Variants in DIAPH3 observed in about 807,000 individuals in gnomAD.
DIAPH3 encodes diaphanous related formin 3.
DIAPH3 carries 117 observed loss-of-function variants against 144.3 expected under a neutral mutation model. That is an observed-to-expected ratio of 0.81 (90% CI 0.70 to 0.95). The LOEUF is 0.95. Ranked by LOEUF, DIAPH3 falls within the 40% of genes least tolerant of loss-of-function variation. DIAPH3 has a pLI of 0.00. For missense variants in DIAPH3, 1,421 were observed against 1,412.7 expected (o/e 1.01, Z -0.09); for synonymous variants, 519 against 488.9 (o/e 1.06, Z -0.81).
At chr13:59,965,572 C>A (rs546905151) in intron 17 of DIAPH3, among the ~76,000 whole-genome samples, 139 of 150,690 alleles carry the variant, frequency 9.2e-4, no homozygotes, top group Admixed American at 2.1e-3. Context: ...AGGTCATTAG[C>A]ATTATTTTGA....
At chr13:60,028,559 C>T (rs75636347) in intron 5 of DIAPH3, among the ~76,000 whole-genome samples, 4,156 of 152,128 alleles carry the variant, frequency 0.027, 82 homozygotes, top group Non-Finnish European at 0.042. Context: ...TTTCTGAACC[C>T]GGAGTCCTTC....
At chr13:60,032,800 C>T (rs912703137) in intron 5 of DIAPH3, among the ~76,000 whole-genome samples, 5 of 152,248 alleles carry the variant, frequency 3.3e-5, no homozygotes, top group Non-Finnish European at 5.9e-5. Context: ...CAAGTAGTTG[C>T]TCCACAGCCT....
In DIAPH3 at chr13:59,916,199, T is replaced by C; in HGVS notation, c.2221A>G (p.Ile741Val). The change falls in exon 19 of 28, where the codon ATA becomes GTA. Residue 741 changes from isoleucine (I) to valine (V), a missense_variant. Physicochemically the swap from Ile to Val is conservative, Grantham distance 29 (BLOSUM62 3). Transcript: ENST00000400324. ...RVPYEEIRMM[I>V]LEVDETRLAE... ...AACCGTGTTTCATCTACTTCCAATA[T>C]CATCATTCTGATTTCCTCATATGGC... is the stretch of plus-strand genomic sequence containing the variant. The C allele has an allele frequency of 6.2e-7, 1 of 1,613,350 alleles. No individual in the cohort carries two copies. Among genetic ancestry groups the C allele is most frequent in the Non-Finnish European group, 8.5e-7 (1 of 1,179,518 alleles).
chr13:59,899,044 C>T (rs556013962), intron 20 of DIAPH3, among the ~76,000 whole-genome samples: 1 of 152,238 alleles, frequency 6.6e-6, no homozygotes, highest in African/African-American at 2.4e-5. Context: ...TGCTTCCTGC[C>T]CTCGAACATC....
At chr13:59,724,002 T>A (rs571797968) in intron 27 of DIAPH3, among the ~76,000 whole-genome samples, 2 of 150,416 alleles carry the variant, frequency 1.3e-5, no homozygotes, top group East Asian at 3.9e-4. Context: ...GCTGTCACTA[T>A]GGGCCCTCAG....
intron 21 of DIAPH3, among the ~76,000 whole-genome samples, chr13:59,872,183 C>T (rs947411903): frequency 1.3e-5 from 2 of 152,028 alleles, no homozygotes; most frequent in Non-Finnish European, 2.9e-5. Context: ...TTAGATCTTT[C>T]TTATTTTCTA....
chr13:59,864,473 A>G (rs898175606), intron 21 of DIAPH3, among the ~76,000 whole-genome samples: 2 of 151,846 alleles, frequency 1.3e-5, no homozygotes, highest in African/African-American at 4.8e-5. Context: ...ACGTTAAGAC[A>G]ATCACCATCT....
Position 59,774,795 on chromosome 13 carries a change from AT to A in DIAPH3, c.3191del (p.Asn1064IlefsTer38). 6.2e-7 allele frequency: 1 copy of A among 1,614,152 alleles called. No homozygotes were observed. The highest frequency in any genetic ancestry group is 8.5e-7 in the Non-Finnish European group (1 of 1,180,018). ...CCCCGGACTGCAAGGCCTCCAGCAGATTATCCATCACTCCTGTCTCATCACC... is the reference window on the plus strand; with the variant it reads ...CCCCGGACTGCAAGGCCTCCAGCAGATATCCATCACTCCTGTCTCATCACC... The part of the protein sequence containing the change: ...TEGDETGVMD[N>X]LLEALQSGAA... On this transcript the variant is annotated frameshift_variant, in exon 26 of 28. Transcript: ENST00000400324. LOFTEE classifies it high-confidence loss of function.
rs556434939 is a variant in DIAPH3, at chr13:59,682,241, G to A, written c.3320-15395C>T. The stretch of plus-strand genomic sequence containing the variant: ...ACAAATACTACCCAATTTGTACGAA[G>A]GGTCCAGAGTCATAAAATTATTTTT... On this transcript the variant is annotated intron_variant, in intron 27 of 27. Transcript: ENST00000400324. 1.4e-4 allele frequency among the ~76,000 whole-genome samples: 21 copies of A among 152,262 alleles called. No homozygotes were observed. The South Asian group carries it at 4.2e-3, about 30-fold the overall frequency.
At chr13:59,773,886 G>T (rs2038250666) in intron 27 of DIAPH3, among the ~76,000 whole-genome samples, 1 of 152,130 alleles carries the variant, frequency 6.6e-6, no homozygotes, top group African/African-American at 2.4e-5. Context: ...TTTAAAAAGT[G>T]TTATGAGAAA....
At chr13:60,024,983 T>C (rs1248059787) in intron 5 of DIAPH3, among the ~76,000 whole-genome samples, 2 of 152,136 alleles carry the variant, frequency 1.3e-5, no homozygotes, top group African/African-American at 4.8e-5. Context: ...CCTGACTCTA[T>C]TGGCTTCTTT....
At chr13:60,126,967 G>GA (rs1394990367) in intron 2 of DIAPH3, among the ~76,000 whole-genome samples, 2 of 150,846 alleles carry the variant, frequency 1.3e-5, no homozygotes, top group Admixed American at 1.3e-4. Flanking sequence ...AGAAATCAGA[G>GA]AAAAAAATAA....
At chr13:60,057,680 A>G (rs775465726) in intron 4 of DIAPH3, among the ~76,000 whole-genome samples, 8 of 152,062 alleles carry the variant, frequency 5.3e-5, no homozygotes, top group Non-Finnish European at 1.2e-4. Flanking sequence ...ACAGCATGGT[A>G]TTGGTATAAA....
chr13:59,847,762 C>T (rs1263262343), intron 22 of DIAPH3, among the ~76,000 whole-genome samples: 1 of 152,170 alleles, frequency 6.6e-6, no homozygotes, highest in African/African-American at 2.4e-5. Flanking sequence ...CTAGTTTTCA[C>T]TTGCTGCTAT....
Position 60,019,811 on chromosome 13 carries a change from T to C in DIAPH3, c.627-3666A>G, listed in dbSNP as rs577707075. Reference sequence around the variant, plus strand: ...GAAGTAAATACAGTCAGTCACCTCATTGAGCAATAGAGGCAACAATCAGGT... The same window carrying C: ...GAAGTAAATACAGTCAGTCACCTCACTGAGCAATAGAGGCAACAATCAGGT... On this transcript the variant is annotated intron_variant, in intron 5 of 27. Transcript: ENST00000400324. 3.3e-4 allele frequency among the ~76,000 whole-genome samples: 50 copies of C among 152,298 alleles called. 1 individual carries two copies. The South Asian group carries it at 4.6e-3, about 14-fold the overall frequency.
In DIAPH3 at chr13:59,992,155, T is replaced by C. The variant is rs368310391; in HGVS notation, c.1157A>G (p.Asp386Gly). 111 of 1,611,602 alleles carry C rather than the reference T, an allele frequency of 6.9e-5. No individual in the cohort carries two copies. Among genetic ancestry groups the C allele is most frequent in the Non-Finnish European group, 9.0e-5 (106 of 1,178,614 alleles). Residue 386 changes from aspartate to glycine, a missense_variant, in exon 11 of 28, where the codon GAT becomes GGT. Coordinates refer to ENST00000400324, the MANE Select transcript of DIAPH3 (RefSeq NM_001042517.2). The part of the protein sequence containing the change: ...NLKCIKNDGL[D>G]IQLKVFDEHK... ...CTCATCAAAGACTTTAAGTTGGATA[T>C]CCAGGCCATCATTCTTAATGCATTT...
intron 17 of DIAPH3, among the ~76,000 whole-genome samples, chr13:59,944,257 T>C (rs767177295): frequency 2.0e-5 from 3 of 151,698 alleles, no homozygotes; most frequent in Non-Finnish European, 2.9e-5. Flanking sequence ...AAAGAGGCAA[T>C]AACATCTCAG....
chr13:59,733,496 C>G (rs1286978490), intron 27 of DIAPH3, among the ~76,000 whole-genome samples: 1 of 152,006 alleles, frequency 6.6e-6, no homozygotes, highest in Non-Finnish European at 1.5e-5. Context: ...GTTCAGATTT[C>G]TGAAAAAAAG....
At chr13:59,964,577 G>C (rs1003798274) in intron 17 of DIAPH3, among the ~76,000 whole-genome samples, 5 of 152,102 alleles carry the variant, frequency 3.3e-5, no homozygotes, top group Non-Finnish European at 5.9e-5. Flanking sequence ...GGACTTGCAA[G>C]TCTTCCTTGG....
Sources: gnomAD v4.1 joint callset for allele counts (sites outside exome capture counted in the v4.1 genomes callset) on GRCh38, gnomAD v4.1.1 for gene constraint, MANE v1.5 for transcripts, NCBI Gene and HGNC (gene_info 2026-07-23, HGNC 2026-07-21) for gene names.